PDE4C: variants seen among roughly 807,000 people sequenced by gnomAD.
The protein encoded by PDE4C is phosphodiesterase 4C.
A neutral mutation model predicts 63.9 loss-of-function variants in PDE4C; 50 were observed. The ratio of observed to expected loss-of-function variants is 0.78; its 90% confidence interval spans 0.62 to 0.99. The LOEUF (loss-of-function observed/expected upper bound fraction) is 0.99, where lower values mean the gene tolerates loss of function less well. Among genes scored for constraint, PDE4C ranks in the 50% least tolerant of loss-of-function variants. The pLI, the probability that PDE4C is intolerant of heterozygous loss-of-function variation, is 0.00. For synonymous variants in PDE4C, 377 were observed against 385.1 expected, an observed-to-expected ratio of 0.98 and a Z score of 0.25; for missense variants, 777 against 899.1, an observed-to-expected ratio of 0.86 and a Z score of 1.74.
In PDE4C at chr19:18,246,844, T is replaced by C. The variant is rs144203944; in HGVS notation, c.-210+1327A>G. Among the ~76,000 whole-genome samples, 252 of 152,210 alleles carry C rather than the reference T, an allele frequency of 1.7e-3. 2 individuals carry two copies. The highest frequency in any genetic ancestry group is 5.8e-3 in the African/African-American group (241 of 41,538). On this transcript the variant is annotated intron_variant, in intron 1 of 15. Coordinates refer to the PDE4C transcript ENST00000594617. ...CGGGAAGCTGAGGGAGGAGAATCACTTAAACCCGGGAAGCAGAGATGGCAG... is the reference window on the plus strand; with the variant it reads ...CGGGAAGCTGAGGGAGGAGAATCACCTAAACCCGGGAAGCAGAGATGGCAG...
At chr19:18,233,464 C>A (rs1600097606) in exon 1 of PDE4C, 1 of 49,460 alleles carries the variant, frequency 2.0e-5, no homozygotes, top group East Asian at 1.7e-3. Context: ...GCTGAAGAGA[C>A]CCCCCCCCAA....
chr19:18,223,580 G>A lies in PDE4C; in HGVS notation c.147-1257C>T, dbSNP rs546582669. 3.3e-5 allele frequency among the ~76,000 whole-genome samples: 5 copies of A among 151,972 alleles called. No homozygotes were observed. In the East Asian group the frequency reaches 7.8e-4, roughly 24 times the overall value. On this transcript the variant is annotated intron_variant, in intron 1 of 14. Coordinates refer to ENST00000262805, the Ensembl canonical transcript of PDE4C. ...AGGCTGCTCTTGAACTCCTGACCTC[G>A]TGATCTGCCCGCCTCGGCCTACCAA...
chr19:18,246,393 G>A (rs1388063736), intron 1 of PDE4C, among the ~76,000 whole-genome samples: 1 of 149,484 alleles, frequency 6.7e-6, no homozygotes, highest in African/African-American at 2.5e-5. Context: ...GTGTTACCCA[G>A]GATGGTCTTG....
chr19:18,248,752 C>A (rs1485548106), upstream of PDE4C, among the ~76,000 whole-genome samples: 1 of 152,108 alleles, frequency 6.6e-6, no homozygotes, highest in South Asian at 2.1e-4. Flanking sequence ...TGGCTGGGCG[C>A]GGTGGCTCAC....
chr19:18,221,973 G>A (rs1174374455), intron 2 of PDE4C, among the ~76,000 whole-genome samples, 159 bp downstream of exon 2: 1 of 152,172 alleles, frequency 6.6e-6, no homozygotes, highest in African/African-American at 2.4e-5. Context: ...AAAAGGCCAA[G>A]TTCTCTACAC....
upstream of PDE4C, among the ~76,000 whole-genome samples, chr19:18,229,110 T>C (rs1368560009): frequency 6.1e-5 from 9 of 146,538 alleles, no homozygotes; most frequent in Non-Finnish European, 1.2e-4. Flanking sequence ...TAATTTTTTT[T>C]TTTTTTTTTT....
intron 9 of PDE4C, 133 bp from the exon 10 acceptor site, chr19:18,218,631 G>T: frequency 1.0e-6 from 1 of 973,438 alleles, no homozygotes. Flanking sequence ...GTGCTCTCCT[G>T]AACTCCTCCA....
chr19:18,239,848 A>C (rs1969008920), intron 1 of PDE4C, among the ~76,000 whole-genome samples: 1 of 152,034 alleles, frequency 6.6e-6, no homozygotes, highest in African/African-American at 2.4e-5. Context: ...CAACATGGCA[A>C]AACCCTGTCT....
intron 1 of PDE4C, chr19:18,224,197 C>T: frequency 1.0e-6 from 1 of 985,286 alleles, no homozygotes; most frequent in Non-Finnish European, 1.2e-6. Context: ...AGAGAAAGGG[C>T]GTAGGGCAAG....
chr19:18,238,241 T>TC (rs1374227400), upstream of PDE4C, among the ~76,000 whole-genome samples: 3 of 150,880 alleles, frequency 2.0e-5, no homozygotes, highest in Non-Finnish European at 3.0e-5. Context: ...TCTCTCTCTT[T>TC]TTTTTTTTTT....
At chr19:18,219,332 T>G in exon 8 of PDE4C, 1 of 1,614,070 alleles carries the variant, frequency 6.2e-7, no homozygotes, top group Non-Finnish European at 8.5e-7. Flanking sequence ...AGGCCACTGA[T>G]CCGGGACATG....
Position 18,220,575 on chromosome 19 carries a change from T to C in PDE4C, c.500-60A>G, listed in dbSNP as rs752794107. ...CCCCCGCTCAGGGACCCCACGCCTC[T>C]CGCGACTTCGTCTCTTCATCTGGAC... On this transcript the variant is annotated intron_variant, in intron 5 of 14. Transcript: ENST00000262805. This position sits in a 1 kb window ranked among gnomAD's most constrained non-coding sequence, Gnocchi z 5.1. 1.4e-6 allele frequency: 2 copies of C among 1,413,770 alleles called. No individual in the cohort carries two copies. Among genetic ancestry groups the C allele is most frequent in the Non-Finnish European group, 2.0e-6 (2 of 1,016,986 alleles). The allele number at this position is 1,413,770 out of a possible 1,614,324, so 87.6% of individuals were successfully genotyped here. A position where few individuals can be genotyped will look rare whatever the true frequency, so the allele number is the denominator to read the frequency against.
At chr19:18,227,085 G>A (rs1454036526), upstream of PDE4C, among the ~76,000 whole-genome samples, 4 of 152,046 alleles carry the variant, frequency 2.6e-5, no homozygotes, top group Non-Finnish European at 5.9e-5. Context: ...CCATTATTGA[G>A]GGCATCACCG....
At chr19:18,218,797 C>T in intron 9 of PDE4C, 143 bp downstream of exon 9, 1 of 763,674 alleles carries the variant, frequency 1.3e-6, no homozygotes, top group Non-Finnish European at 2.3e-6. Flanking sequence ...AACTCCTATT[C>T]ATCCTTCAAT....
chr19:18,243,343 C>G (rs564683441), intron 1 of PDE4C, among the ~76,000 whole-genome samples: 1 of 151,980 alleles, frequency 6.6e-6, no homozygotes, highest in Non-Finnish European at 1.5e-5. Flanking sequence ...CCTGACCTCA[C>G]GGGATCCACC....
intron 13 of PDE4C, among the ~76,000 whole-genome samples, chr19:18,212,332 C>T (rs1202365929): frequency 1.3e-5 from 2 of 151,728 alleles, no homozygotes; most frequent in African/African-American, 2.4e-5. Flanking sequence ...TATAGGCATG[C>T]GCCACCATGC....
upstream of PDE4C, among the ~76,000 whole-genome samples, chr19:18,248,378 A>G (rs1049426035): frequency 6.2e-4 from 61 of 98,480 alleles, no homozygotes; most frequent in Non-Finnish European, 9.0e-4. Flanking sequence ...AGTGTCCAAG[A>G]GGGCCTGAGG....
At chr19:18,232,861 C>G (rs1968877938) in intron 1 of PDE4C, 5 of 1,349,792 alleles carry the variant, frequency 3.7e-6, no homozygotes, top group Admixed American at 6.4e-5. Flanking sequence ...ACCCCCGCCC[C>G]CTGGAGAAGC....
At chr19:18,244,574 G>A (rs1253453027) in intron 1 of PDE4C, among the ~76,000 whole-genome samples, 2 of 151,862 alleles carry the variant, frequency 1.3e-5, no homozygotes, top group Admixed American at 6.6e-5. Flanking sequence ...GTGCAATGAC[G>A]CGATCTTGGC....
Sources: gnomAD v4.1 joint callset for allele counts (sites outside exome capture counted in the v4.1 genomes callset) on GRCh38, gnomAD v4.1.1 for gene constraint, Gnocchi (gnomAD v3.1) non-coding constraint, MANE v1.5 for transcripts, NCBI Gene and HGNC (gene_info 2026-07-23, HGNC 2026-07-21) for gene names.